The following ROBO2 variants were observed in gnomAD, a reference collection of about 807,000 sequenced individuals.
ROBO2 encodes roundabout guidance receptor 2.
A neutral mutation model predicts 160.8 loss-of-function variants in ROBO2; 53 were observed. The ratio of observed to expected loss-of-function variants is 0.33; its 90% CI spans 0.26 to 0.41. ROBO2 has a LOEUF of 0.41. ROBO2 is among the 10% of genes least tolerant of loss of function. The probability of loss-of-function intolerance (pLI) is 1.00; values close to 1 mark genes in which losing one functional copy is unlikely to be tolerated. For missense variants in ROBO2, 1,577 were observed against 1,722.4 expected (o/e 0.92, Z 1.49); for synonymous variants, 664 against 611.7 (o/e 1.09, Z -1.26).
intron 2 of ROBO2, among the ~76,000 whole-genome samples, chr3:77,239,115 A>T (rs1301201412): frequency 1.3e-5 from 2 of 152,070 alleles, no homozygotes; most frequent in African/African-American, 4.8e-5. Flanking sequence ...GGTCTCGCTG[A>T]CTTCAAGAAT....
chr3:76,125,470 A>T (rs1465090136), intron 2 of ROBO2, among the ~76,000 whole-genome samples: 2 of 152,168 alleles, frequency 1.3e-5, no homozygotes, highest in Non-Finnish European at 2.9e-5. Context: ...CCAGCAGTGT[A>T]TAAGCATTCC....
chr3:76,681,235 A>C (rs1468525446), intron 2 of ROBO2, among the ~76,000 whole-genome samples: 1 of 152,206 alleles, frequency 6.6e-6, no homozygotes, highest in Admixed American at 6.5e-5. Flanking sequence ...AGAGAACCCA[A>C]CACTATAAAG....
chr3:77,113,473 A>G (rs2073884826), intron 2 of ROBO2, among the ~76,000 whole-genome samples: 1 of 152,218 alleles, frequency 6.6e-6, no homozygotes, highest in Non-Finnish European at 1.5e-5. Context: ...TGTGTATGTC[A>G]TTAATAGAGA....
chr3:76,309,575 A>T, intron 2 of ROBO2, among the ~76,000 whole-genome samples: 1 of 152,236 alleles, frequency 6.6e-6, no homozygotes, highest in Non-Finnish European at 1.5e-5. Context: ...TCTTCCAAGA[A>T]TATGATTTGA....
At chr3:77,480,886 TA>T (rs1184087786) in intron 3 of ROBO2, among the ~76,000 whole-genome samples, 2 of 152,136 alleles carry the variant, frequency 1.3e-5, no homozygotes, top group East Asian at 1.9e-4. Flanking sequence ...ACAGCTGCCT[TA>T]AAAAATATTT....
At chr3:77,419,902 T>C (rs189483256) in intron 2 of ROBO2, among the ~76,000 whole-genome samples, 1 of 152,138 alleles carries the variant, frequency 6.6e-6, no homozygotes, top group East Asian at 1.9e-4. Flanking sequence ...TTCCTGAAAA[T>C]AGGTGTCATA....
chr3:77,316,352 A>T (rs1456993077), intron 2 of ROBO2, among the ~76,000 whole-genome samples: 1 of 152,178 alleles, frequency 6.6e-6, no homozygotes, highest in Admixed American at 6.5e-5. Context: ...TGAGTTTGTA[A>T]CACTGTCAAG....
chr3:77,080,941 TG>T (rs2068588928), intron 1 of ROBO2, among the ~76,000 whole-genome samples: 1 of 152,208 alleles, frequency 6.6e-6, no homozygotes, highest in Admixed American at 6.5e-5. Flanking sequence ...TCGCCGGAGT[TG>T]CCTGTTTTGT....
At chr3:77,136,479 CTTTTTTTTTT>C (rs59688881) in intron 2 of ROBO2, among the ~76,000 whole-genome samples, 1 of 67,890 alleles carries the variant, frequency 1.5e-5, no homozygotes, top group Non-Finnish European at 2.6e-5. Flanking sequence ...ATAAAATATG[CTTTTTTTTTT>C]TTTTTTTTTT....
intron 2 of ROBO2, among the ~76,000 whole-genome samples, chr3:76,572,734 A>T (rs1481935093): frequency 6.6e-6 from 1 of 152,196 alleles, no homozygotes; most frequent in Admixed American, 6.5e-5. Context: ...TCACAGATTG[A>T]TGTATGCTCA....
At chr3:76,953,029 A>G (rs1333557407) in intron 2 of ROBO2, among the ~76,000 whole-genome samples, 2 of 152,218 alleles carry the variant, frequency 1.3e-5, no homozygotes, top group Non-Finnish European at 2.9e-5. Context: ...ATGACAATGT[A>G]CTAATCCTGA....
chr3:76,897,294 G>C (rs1409122919), intron 2 of ROBO2, among the ~76,000 whole-genome samples: 4 of 152,062 alleles, frequency 2.6e-5, no homozygotes, highest in Non-Finnish European at 5.9e-5. Context: ...AAAAATGCTG[G>C]CTTTAACTTA....
At chr3:76,180,821 T>A (rs1028092547) in intron 2 of ROBO2, among the ~76,000 whole-genome samples, 2 of 152,140 alleles carry the variant, frequency 1.3e-5, no homozygotes, top group Non-Finnish European at 2.9e-5. Context: ...TCATCAAGAT[T>A]AAAGGAAAAC....
At chr3:76,019,708 A>T (rs889369006) in intron 2 of ROBO2, among the ~76,000 whole-genome samples, 1 of 150,694 alleles carries the variant, frequency 6.6e-6, no homozygotes, top group Non-Finnish European at 1.5e-5. Context: ...GCCTCCCAAC[A>T]TGGTTAGGTT....
chr3:76,883,809 A>G (rs1364952652), intron 2 of ROBO2, among the ~76,000 whole-genome samples: 1 of 152,190 alleles, frequency 6.6e-6, no homozygotes, highest in Non-Finnish European at 1.5e-5. Context: ...TTGTTCAACA[A>G]TATTATCTCT....
At chr3:76,487,809 T>G (rs535625586) in intron 2 of ROBO2, among the ~76,000 whole-genome samples, 2 of 152,318 alleles carry the variant, frequency 1.3e-5, no homozygotes, top group African/African-American at 4.8e-5. Context: ...CCCATTTTCT[T>G]GCTGGCTGGC....
chr3:77,273,522 G>A (rs1008283368), intron 2 of ROBO2, among the ~76,000 whole-genome samples: 1 of 151,884 alleles, frequency 6.6e-6, no homozygotes, highest in Non-Finnish European at 1.5e-5. Context: ...AAGTGTAGAT[G>A]ATGTATTGCA....
chr3:77,432,653 G>A (rs1425753876), intron 2 of ROBO2, among the ~76,000 whole-genome samples: 1 of 152,148 alleles, frequency 6.6e-6, no homozygotes, highest in Non-Finnish European at 1.5e-5. Flanking sequence ...CTGAGTAGTT[G>A]CCACAAAGAC....
intron 2 of ROBO2, among the ~76,000 whole-genome samples, chr3:76,857,622 G>A (rs1293941013): frequency 6.6e-6 from 1 of 152,036 alleles, no homozygotes; most frequent in African/African-American, 2.4e-5. Context: ...TGCTGTGATG[G>A]TGATGGTGGT....
Sources: allele counts gnomAD v4.1 joint callset (sites outside exome capture counted in the v4.1 genomes callset), GRCh38; gene constraint gnomAD v4.1.1; transcripts MANE v1.5; gene names NCBI Gene and HGNC (gene_info 2026-07-23, HGNC 2026-07-21).